The following DNAH9 variants were observed in gnomAD, a reference collection of about 807,000 sequenced individuals.
DNAH9 encodes dynein axonemal heavy chain 9, also known as DNAH9 variant protein.
DNAH9 carries 345 observed loss-of-function variants against 471.6 expected under a neutral mutation model. The ratio of observed to expected loss-of-function variants is 0.73; its 90% CI spans 0.67 to 0.80. The LOEUF (loss-of-function observed/expected upper bound fraction) is 0.80. DNAH9 is among the 30% of genes least tolerant of loss of function. DNAH9 has a pLI of 0.00. For missense variants in DNAH9, 5,407 were observed against 5,609.2 expected (o/e 0.96, Z 1.15); for synonymous variants, 2,093 against 2,123.6 (o/e 0.99, Z 0.40).
chr17:11,729,397 C>A (rs111989548), intron 28 of DNAH9, among the ~76,000 whole-genome samples: 1 of 152,134 alleles, frequency 6.6e-6, no homozygotes, highest in African/African-American at 2.4e-5. Flanking sequence ...AAAGCTGTGG[C>A]GAGGTGCTTG....
In DNAH9 at chr17:11,608,088, T is replaced by C. The variant is rs370644212; in HGVS notation, c.418-41T>C. ...TGAGGATTTCTTTAAGTTCTCAGAA[T>C]TGGAACACCTGCCTTTCTTTCCTGT... is the stretch of plus-strand genomic sequence containing the variant. On this transcript the variant is annotated intron_variant, in intron 1 of 68. Coordinates refer to ENST00000262442, the MANE Select transcript of DNAH9 (RefSeq NM_001372.4). The C allele has an allele frequency of 6.1e-5, 89 of 1,459,382 alleles. No homozygotes were observed. In the African/African-American group the frequency reaches 1.2e-3, roughly 19 times the overall value. 90.4% of individuals were successfully genotyped at this position (1,459,382 alleles called of 1,614,324 possible).
chr17:11,662,747 C>CTTT lies in DNAH9; in HGVS notation c.2596-2062_2596-2060dup, dbSNP rs71142226. Among the ~76,000 whole-genome samples, 109 of 45,466 alleles carry CTTT rather than the reference C, an allele frequency of 2.4e-3. 33 individuals are homozygous for CTTT. Among genetic ancestry groups the CTTT allele is most frequent in the South Asian group, 7.2e-3 (4 of 552 alleles). 29.8% of individuals were successfully genotyped at this position (45,466 alleles called of 152,430 possible). On this transcript the variant is annotated intron_variant, in intron 14 of 68. Coordinates refer to ENST00000262442, the MANE Select transcript of DNAH9 (RefSeq NM_001372.4). ...ATCACCTTGATCCTGTTGAGGCTCGCTTTTTTTTTTTTTTTTTTTTTTTTT... is the reference window on the plus strand; with the variant it reads ...ATCACCTTGATCCTGTTGAGGCTCGCTTTTTTTTTTTTTTTTTTTTTTTTTTTT...
At position 11,854,392 on chromosome 17, in the gene DNAH9, C is replaced by T; in HGVS notation, c.9897C>T (p.Ala3299=). 6.2e-7 allele frequency: 1 copy of T among 1,613,362 alleles called. No individual in the cohort carries two copies. Among genetic ancestry groups the T allele is most frequent in the Non-Finnish European group, 8.5e-7 (1 of 1,179,530 alleles). The change falls in exon 50 of 69, where the codon GCC becomes GCT. Residue 3299 remains alanine (A), a synonymous_variant. Transcript: ENST00000262442. ...LNKATADLTA[A]QEKLAAIKAK... ...AAGCCACCGCGGACCTCACAGCTGC[C>T]CAGGAGAAGCTGGCTGCCATCAAAG...
At chr17:11,624,706 A>G (rs1287726155) in intron 6 of DNAH9, among the ~76,000 whole-genome samples, 2 of 152,020 alleles carry the variant, frequency 1.3e-5, no homozygotes, top group African/African-American at 4.8e-5. Flanking sequence ...GGAGTTGTGA[A>G]GGTCTGTTTC....
chr17:11,700,751 T>C (rs1251897970), intron 23 of DNAH9, among the ~76,000 whole-genome samples: 1 of 152,206 alleles, frequency 6.6e-6, no homozygotes, highest in Non-Finnish European at 1.5e-5. Context: ...AATACAATCC[T>C]GGTTTGCGCT....
intron 26 of DNAH9, among the ~76,000 whole-genome samples, chr17:11,707,996 CACACACACACACACACACAGAGAG>C (rs1391450602): frequency 7.2e-3 from 407 of 56,756 alleles, no homozygotes; most frequent in Non-Finnish European, 0.016. Flanking sequence ...CACACACACA[CACACACACACACACACACAGAGAG>C]AGAGAGAGAG....
At chr17:11,843,840 T>TG (rs1971110194) in intron 49 of DNAH9, among the ~76,000 whole-genome samples, 1 of 51,256 alleles carries the variant, frequency 2.0e-5, no homozygotes, top group African/African-American at 6.1e-5. Flanking sequence ...TGTATATGTG[T>TG]TTGTGTGTGT....
chr17:11,921,660 G>A (rs1029163155), intron 61 of DNAH9, among the ~76,000 whole-genome samples: 9 of 152,122 alleles, frequency 5.9e-5, no homozygotes, highest in African/African-American at 1.7e-4. Context: ...GGTTACCTCC[G>A]CACCCATGAG....
chr17:11,944,093 G>A (rs1388129224), intron 67 of DNAH9, among the ~76,000 whole-genome samples: 3 of 152,140 alleles, frequency 2.0e-5, no homozygotes, highest in South Asian at 2.1e-4. Flanking sequence ...CATGAATCTC[G>A]GAGCTTGCCT....
At chr17:11,641,192 A>C (rs2073264043) in intron 10 of DNAH9, among the ~76,000 whole-genome samples, 1 of 151,944 alleles carries the variant, frequency 6.6e-6, no homozygotes, top group Non-Finnish European at 1.5e-5. Flanking sequence ...AAGACTCAAC[A>C]CCATCAGAGG....
chr17:11,755,477 C>T (rs756165848), intron 33 of DNAH9, among the ~76,000 whole-genome samples: 2 of 151,988 alleles, frequency 1.3e-5, no homozygotes, highest in African/African-American at 4.8e-5. Context: ...TCCATTTGTT[C>T]GTGTAATCTC....
chr17:11,900,902 T>A (rs553941118), intron 59 of DNAH9, among the ~76,000 whole-genome samples: 11 of 152,240 alleles, frequency 7.2e-5, no homozygotes, highest in African/African-American at 2.6e-4. Context: ...AAGTGAGTGA[T>A]GTTGATGTGG....
At chr17:11,783,899 A>G (rs1023193258) in intron 40 of DNAH9, 151 bp downstream of exon 40, 2 of 656,612 alleles carry the variant, frequency 3.0e-6, no homozygotes, top group Non-Finnish European at 5.2e-6. Flanking sequence ...CTAGGGGAAA[A>G]GAGAAACTCC....
intron 38 of DNAH9, among the ~76,000 whole-genome samples, chr17:11,771,124 C>CTATT (rs1366389959): frequency 2.6e-5 from 4 of 151,842 alleles, no homozygotes; most frequent in African/African-American, 9.7e-5. Context: ...TTATCTATAC[C>CTATT]TATTTATTTA....
rs114350134 is a variant in DNAH9, at chr17:11,654,551, T to G, written c.2595+1549T>G. Among the ~76,000 whole-genome samples, 360 of 151,808 alleles carry G rather than the reference T, an allele frequency of 2.4e-3. 2 individuals carry two copies. The highest frequency in any genetic ancestry group is 8.0e-3 in the African/African-American group (330 of 41,418). On this transcript the variant is annotated intron_variant, in intron 14 of 68. Transcript: ENST00000262442. The stretch of plus-strand genomic sequence containing the variant: ...GCACAGTGACCTAGAAAAAAGTACA[T>G]ATTGTAACATTTTAATTATCCAGGG...
At chr17:11,821,557 A>T (rs1294179674) in intron 45 of DNAH9, among the ~76,000 whole-genome samples, 1 of 152,056 alleles carries the variant, frequency 6.6e-6, no homozygotes, top group East Asian at 1.9e-4. Flanking sequence ...GGATCCTATT[A>T]GCCATGTTTC....
At chr17:11,650,986 TG>T (rs1567691108) in intron 12 of DNAH9, 82 bp from the exon 13 acceptor site, 1 of 1,440,400 alleles carries the variant, frequency 6.9e-7, no homozygotes, top group Non-Finnish European at 9.4e-7. Flanking sequence ...TTGGGCCTCC[TG>T]GGATTGTCCA....
chr17:11,956,557 C>A (rs914670971), intron 67 of DNAH9, among the ~76,000 whole-genome samples: 4 of 151,972 alleles, frequency 2.6e-5, no homozygotes, highest in African/African-American at 9.7e-5. Context: ...GAACACTCAC[C>A]AAAATCAACT....
chr17:11,607,652 C>T (rs1470632447), intron 1 of DNAH9, among the ~76,000 whole-genome samples: 1 of 152,118 alleles, frequency 6.6e-6, no homozygotes, highest in Non-Finnish European at 1.5e-5. Flanking sequence ...TCACTGCAAC[C>T]TCCGCCTCCT....
Sources: gnomAD v4.1 joint callset for allele counts (sites outside exome capture counted in the v4.1 genomes callset) on GRCh38, gnomAD v4.1.1 for gene constraint, MANE v1.5 for transcripts, NCBI Gene and HGNC (gene_info 2026-07-23, HGNC 2026-07-21) for gene names.